MBOAT2: variants seen among roughly 807,000 people sequenced by gnomAD.
The protein encoded by MBOAT2 is membrane bound glycerophospholipid O-acyltransferase 2, also known as membrane-bound glycerophospholipid O-acyltransferase 2.
Under a neutral mutation model 63.4 loss-of-function variants are expected in MBOAT2, and 28 were observed. The ratio of observed to expected loss-of-function variants is 0.44; its 90% CI spans 0.33 to 0.61. The LOEUF (loss-of-function observed/expected upper bound fraction) is 0.61, where lower values mean the gene tolerates loss of function less well. Ranked by LOEUF, MBOAT2 falls within the 20% of genes least tolerant of loss-of-function variation. The pLI, the probability that MBOAT2 is intolerant of heterozygous loss-of-function variation, is 0.03. For missense variants in MBOAT2, 470 were observed against 605.8 expected, an observed-to-expected ratio of 0.78 and a Z score of 2.35; for synonymous variants, 211 against 215.6, an observed-to-expected ratio of 0.98 and a Z score of 0.19.
At chr2:8,897,723 A>C (rs1353880139) in intron 4 of MBOAT2, among the ~76,000 whole-genome samples, 1 of 152,208 alleles carries the variant, frequency 6.6e-6, no homozygotes, top group Admixed American at 6.5e-5. Flanking sequence ...AGGATTAGCT[A>C]AGGGGACTTC....
At chr2:8,916,661 GTGTT>G (rs1345348256) in intron 3 of MBOAT2, among the ~76,000 whole-genome samples, 5 of 152,218 alleles carry the variant, frequency 3.3e-5, no homozygotes, top group Admixed American at 6.5e-5. Flanking sequence ...TAACAAATGA[GTGTT>G]TGTTTTAACA....
In MBOAT2 at chr2:8,854,438, A is replaced by G. The variant is rs534797887; in HGVS notation, c.*4241T>C. ...CAGTGTTATTTAGGATTCTGCACCT[A>G]TATTAAATTTCAGCCAGGAAGAACT... is the stretch of plus-strand genomic sequence containing the variant. On this transcript the variant is annotated 3_prime_UTR_variant, in exon 13 of 13. Coordinates refer to ENST00000305997, the MANE Select transcript of MBOAT2 (RefSeq NM_138799.4). 34 of 152,340 alleles carry G rather than the reference A, an allele frequency of 2.2e-4. 1 individual carries two copies. In the Middle Eastern group the frequency reaches 0.014, roughly 61 times the overall value. The allele number at this position is 152,340 out of a possible 1,614,324, so 9.4% of individuals were successfully genotyped here.
chr2:8,861,508 T>C (rs184675780), intron 11 of MBOAT2, among the ~76,000 whole-genome samples: 1 of 152,142 alleles, frequency 6.6e-6, no homozygotes, highest in Admixed American at 6.5e-5. Flanking sequence ...GTGAACAGGA[T>C]GGAATCAAGA....
At chr2:8,994,450 C>T (rs1672129840) in intron 1 of MBOAT2, among the ~76,000 whole-genome samples, 1 of 152,164 alleles carries the variant, frequency 6.6e-6, no homozygotes. Context: ...TAACTCCTTC[C>T]TAAGAAAGAA....
At chr2:8,946,625 T>C (rs1558644809) in intron 2 of MBOAT2, among the ~76,000 whole-genome samples, 2 of 152,240 alleles carry the variant, frequency 1.3e-5, no homozygotes, top group African/African-American at 2.4e-5. Context: ...CTGGCGTATT[T>C]TGGTAATTCT....
chr2:8,917,639 G>C (rs1195626040), intron 3 of MBOAT2, among the ~76,000 whole-genome samples: 1 of 152,216 alleles, frequency 6.6e-6, no homozygotes, highest in African/African-American at 2.4e-5. Flanking sequence ...GCCAGTGGGA[G>C]TGTAGAATGC....
intron 9 of MBOAT2, 146 bp downstream of exon 9, chr2:8,868,300 G>A (rs76153866): frequency 2.5e-5 from 16 of 633,088 alleles, no homozygotes; most frequent in African/African-American, 7.4e-5. Context: ...CATAGTTGAC[G>A]ACCAATATGT....
intron 1 of MBOAT2, among the ~76,000 whole-genome samples, chr2:8,985,286 T>C (rs1048264296): frequency 6.6e-6 from 1 of 152,178 alleles, no homozygotes; most frequent in Non-Finnish European, 1.5e-5. Context: ...AAGTTTGATT[T>C]AAATTTTTTT....
In MBOAT2 at chr2:8,860,968, CAG is replaced by C. The variant is rs1263123567; in HGVS notation, c.1186-206_1186-205del. 1.1e-5 allele frequency: 4 copies of C among 352,172 alleles called. No individual in the cohort carries two copies. In the East Asian group the frequency reaches 2.1e-4, roughly 18 times the overall value. The allele number at this position is 352,172 out of a possible 1,614,324, so 21.8% of individuals were successfully genotyped here. On this transcript the variant is annotated intron_variant, in intron 11 of 12. Transcript: ENST00000305997. ...CATTGTACACACTGTGTATAAAAGA[CAG>C]AGAGAGGGGAGATGAGGAAGTAACA...
At chr2:9,001,196 T>A (rs527304978) in intron 1 of MBOAT2, among the ~76,000 whole-genome samples, 91 of 152,258 alleles carry the variant, frequency 6.0e-4, no homozygotes, top group African/African-American at 2.0e-3. Flanking sequence ...ACAGTTAATT[T>A]TTTTTTTAAA....
intron 1 of MBOAT2, among the ~76,000 whole-genome samples, chr2:8,963,444 C>T (rs928462815): frequency 1.3e-5 from 2 of 152,050 alleles, no homozygotes; most frequent in Non-Finnish European, 2.9e-5. Flanking sequence ...GCTGGGATTA[C>T]AGGCATGCAC....
intron 4 of MBOAT2, among the ~76,000 whole-genome samples, chr2:8,899,231 T>C (rs769715875): frequency 6.6e-6 from 1 of 152,168 alleles, no homozygotes; most frequent in Admixed American, 6.5e-5. Flanking sequence ...TTCACGTAGA[T>C]AATAGCTCCA....
intron 1 of MBOAT2, among the ~76,000 whole-genome samples, chr2:8,979,142 T>G (rs1249448834): frequency 6.6e-6 from 1 of 152,182 alleles, no homozygotes; most frequent in Non-Finnish European, 1.5e-5. Flanking sequence ...TATCAACTTA[T>G]GGATATGTTG....
intron 3 of MBOAT2, among the ~76,000 whole-genome samples, chr2:8,938,699 T>C (rs1435907616): frequency 2.0e-5 from 3 of 151,380 alleles, no homozygotes; most frequent in African/African-American, 4.9e-5. Flanking sequence ...TGTTTCATGC[T>C]GTCACGTTTC....
rs1345539809 is a variant in MBOAT2 at position 8,862,283 on chromosome 2, T to C, written c.1185+307A>G. 1.5e-6 allele frequency: 2 copies of C among 1,318,090 alleles called. No homozygotes were observed. The highest frequency in any genetic ancestry group is 3.0e-5 in the African/African-American group (2 of 66,984). 81.6% of individuals were successfully genotyped at this position (1,318,090 alleles called of 1,614,324 possible). A position where few individuals can be genotyped will look rare whatever the true frequency, so the allele number is the denominator to read the frequency against. Reference sequence around the variant, plus strand: ...AAAATAAACCTACCCATTCTGATCATCTTTATTTAACTCAGTTTTTATCTC... The same window carrying C: ...AAAATAAACCTACCCATTCTGATCACCTTTATTTAACTCAGTTTTTATCTC... On this transcript the variant is annotated intron_variant, in intron 11 of 12. Coordinates refer to ENST00000305997, the MANE Select transcript of MBOAT2 (RefSeq NM_138799.4). The surrounding 1 kb of genome is among the most constrained non-coding windows in gnomAD (Gnocchi z 4.3).
At chr2:8,972,426 C>T (rs1057260399) in intron 1 of MBOAT2, among the ~76,000 whole-genome samples, 6 of 152,260 alleles carry the variant, frequency 3.9e-5, no homozygotes, top group African/African-American at 1.4e-4. Context: ...TAGAAGAAAA[C>T]CTAGGCAATA....
At chr2:8,931,726 A>G (rs539961291) in intron 3 of MBOAT2, among the ~76,000 whole-genome samples, 2 of 152,216 alleles carry the variant, frequency 1.3e-5, no homozygotes, top group African/African-American at 4.8e-5. Flanking sequence ...TGGGTTTTAC[A>G]TTTAAGTCTT....
chr2:8,960,983 A>G (rs1029193485), intron 1 of MBOAT2, among the ~76,000 whole-genome samples: 14 of 152,214 alleles, frequency 9.2e-5, no homozygotes, highest in African/African-American at 3.4e-4. Flanking sequence ...GGCTGGAAGC[A>G]GGGTGGTTCA....
At chr2:8,953,643 C>A (rs930933092) in intron 2 of MBOAT2, among the ~76,000 whole-genome samples, 5 of 152,052 alleles carry the variant, frequency 3.3e-5, no homozygotes, top group Non-Finnish European at 5.9e-5. Flanking sequence ...TATTAAAATT[C>A]TTTTTTATTT....
Sources: allele counts gnomAD v4.1 joint callset (sites outside exome capture counted in the v4.1 genomes callset), GRCh38; gene constraint gnomAD v4.1.1; non-coding constraint Gnocchi (gnomAD v3.1); transcripts MANE v1.5; gene names NCBI Gene and HGNC (gene_info 2026-07-23, HGNC 2026-07-21).